SNIP1: variants seen among roughly 807,000 people sequenced by gnomAD.
SNIP1 encodes smad nuclear-interacting protein 1.
Under a neutral mutation model 37.4 loss-of-function variants are expected in SNIP1, and 23 were observed. The ratio of observed to expected loss-of-function variants is 0.61; its 90% CI spans 0.44 to 0.87. The LOEUF (loss-of-function observed/expected upper bound fraction) is 0.87. SNIP1 is among the 40% of genes least tolerant of loss of function. SNIP1 has a pLI of 0.00. For synonymous variants in SNIP1, 174 were observed against 200.0 expected, an observed-to-expected ratio of 0.87 and a Z score of 1.10; for missense variants, 459 against 540.4, an observed-to-expected ratio of 0.85 and a Z score of 1.49.
chr1:37,544,445 TCAAA>T (rs1643206599), intron 2 of SNIP1, among the ~76,000 whole-genome samples: 1 of 58,162 alleles, frequency 1.7e-5, no homozygotes. Flanking sequence ...AGACTCTGTC[TCAAA>T]AAAAAAAAAA....
At chr1:37,538,056 A>C in intron 3 of SNIP1, 44 bp from the exon 4 acceptor site, 1 of 1,541,822 alleles carries the variant, frequency 6.5e-7, no homozygotes, top group Non-Finnish European at 8.7e-7. Flanking sequence ...CTTCTGCCTC[A>C]GATCATCCAG....
chr1:37,550,083 AAC>A (rs1249699136), intron 2 of SNIP1, among the ~76,000 whole-genome samples: 1 of 152,168 alleles, frequency 6.6e-6, no homozygotes, highest in Non-Finnish European at 1.5e-5. Context: ...ACAAAACAAA[AAC>A]CCTGAAACCC....
rs1381724761 is a variant in SNIP1, at chr1:37,537,774, C to T, written c.1165G>A (p.Glu389Lys). The change falls in exon 4 of 4, where the codon GAG becomes AAG. Residue 389 changes from glutamate to lysine, a missense_variant. By Grantham distance (56) the Glu-to-Lys change is moderately conservative. Coordinates refer to ENST00000296215, the MANE Select transcript of SNIP1 (RefSeq NM_024700.4). ...IDRKDDEDEE[E>K]EEEVSDS ...TAGCTGTCAGACACTTCTTCCTCCT[C>T]CTCCTCATCCTCGTCATCTTTCCTG... The T allele has an allele frequency of 2.5e-6, 4 of 1,614,038 alleles. No individual in the cohort carries two copies. Among genetic ancestry groups the T allele is most frequent in the Admixed American group, 3.3e-5 (2 of 59,990 alleles).
rs1369875225 is a variant in SNIP1, at chr1:37,540,055, G to A, written c.926+102C>T. The A allele has an allele frequency of 8.8e-6, 8 of 912,982 alleles. No homozygotes were observed. Among genetic ancestry groups the A allele is most frequent in the South Asian group, 1.7e-5 (1 of 57,290 alleles). The allele number at this position is 912,982 out of a possible 1,614,324, so 56.6% of individuals were successfully genotyped here. On this transcript the variant is annotated intron_variant, in intron 3 of 3. Coordinates refer to ENST00000296215, the MANE Select transcript of SNIP1 (RefSeq NM_024700.4). This position sits in a 1 kb window ranked among gnomAD's most constrained non-coding sequence, Gnocchi z 5.6. ...CAATACTCTTTAGATAACATATGAGGGGTATGGGATTCTTCTGCATAAACA... is the reference window on the plus strand; with the variant it reads ...CAATACTCTTTAGATAACATATGAGAGGTATGGGATTCTTCTGCATAAACA...
rs954505023 is a variant in SNIP1 at position 37,534,850 on chromosome 1, G to A, written c.*2898C>T. 1 of 152,180 alleles carries A rather than the reference G, an allele frequency of 6.6e-6. No individual in the cohort carries two copies. Among genetic ancestry groups the A allele is most frequent in the African/African-American group, 2.4e-5 (1 of 41,508 alleles). The allele number at this position is 152,180 out of a possible 1,614,324, so 9.4% of individuals were successfully genotyped here. A position where few individuals can be genotyped will look rare whatever the true frequency, so the allele number is the denominator to read the frequency against. On this transcript the variant is annotated 3_prime_UTR_variant, in exon 4 of 4. Transcript: ENST00000296215. ...GCTGTTTTGAAAATAGTTTGATTTT[G>A]ACACAATGATTTGCAGACAAGCCCA...
At chr1:37,552,842 C>T (rs562510752) in intron 1 of SNIP1, 95 bp from the exon 2 acceptor site, 4 of 972,806 alleles carry the variant, frequency 4.1e-6, no homozygotes, top group South Asian at 3.9e-5. Flanking sequence ...ACACAAACAC[C>T]GCATTTGTGA....
chr1:37,537,037 C>G lies in SNIP1; in HGVS notation c.*711G>C, dbSNP rs1474011902. 6.6e-6 allele frequency: 1 copy of G among 152,256 alleles called. No individual in the cohort carries two copies. The highest frequency in any genetic ancestry group is 2.4e-5 in the African/African-American group (1 of 41,456). 9.4% of individuals were successfully genotyped at this position (152,256 alleles called of 1,614,324 possible). On this transcript the variant is annotated 3_prime_UTR_variant, in exon 4 of 4. Coordinates refer to ENST00000296215, the MANE Select transcript of SNIP1 (RefSeq NM_024700.4). ...AAATCAGGAATTCTTTCACAAAGAA[C>G]AGATCCACAGCCAATTTCAGTCACT...
At position 37,546,156 on chromosome 1, in the gene SNIP1, C is replaced by T. The variant is rs890737465; in HGVS notation, c.328-5401G>A. ...GCACTGGGACTAAGACCCCCCCCCCCCCCGCTCCCTGCCATACACAGGGCT... is the reference window on the plus strand; with the variant it reads ...GCACTGGGACTAAGACCCCCCCCCCTCCCGCTCCCTGCCATACACAGGGCT... On this transcript the variant is annotated intron_variant, in intron 2 of 3. Transcript: ENST00000296215. Among the ~76,000 whole-genome samples the T allele has an allele frequency of 6.2e-4, 93 of 150,644 alleles. 2 individuals carry two copies. Among genetic ancestry groups the T allele is most frequent in the African/African-American group, 1.7e-3 (71 of 40,692 alleles).
chr1:37,547,132 C>T (rs1015120748), intron 2 of SNIP1, among the ~76,000 whole-genome samples: 1 of 152,092 alleles, frequency 6.6e-6, no homozygotes, highest in African/African-American at 2.4e-5. Context: ...TTTATCTCTC[C>T]GTTATTTAGA....
chr1:37,540,030 C>G lies in SNIP1; in HGVS notation c.926+127G>C, dbSNP rs1028276133. On this transcript the variant is annotated intron_variant, in intron 3 of 3. Transcript: ENST00000296215. The surrounding 1 kb of genome is among the most constrained non-coding windows in gnomAD (Gnocchi z 5.6). ...ATTATTTAAAGGGCAGTTAGATTAA[C>G]AATACTCTTTAGATAACATATGAGG... 10 of 728,536 alleles carry G rather than the reference C, an allele frequency of 1.4e-5. No homozygotes were observed. In the African/African-American group the frequency reaches 1.4e-4, roughly 10 times the overall value. 45.1% of individuals were successfully genotyped at this position (728,536 alleles called of 1,614,324 possible). A position where few individuals can be genotyped will look rare whatever the true frequency, so the allele number is the denominator to read the frequency against.
At chr1:37,544,377 C>T (rs559130334) in intron 2 of SNIP1, among the ~76,000 whole-genome samples, 6 of 136,588 alleles carry the variant, frequency 4.4e-5, no homozygotes, top group South Asian at 2.4e-4. Flanking sequence ...ACTCGGAGGG[C>T]GGAGGTTGCA....
intron 2 of SNIP1, chr1:37,544,836 A>G (rs1359391705): frequency 6.4e-6 from 5 of 777,842 alleles, no homozygotes; most frequent in Admixed American, 1.7e-5. Context: ...GTGGAGCTCT[A>G]TGCCTCCTAC....
chr1:37,552,754 A>G lies in SNIP1; in HGVS notation c.225-7T>C. On this transcript the variant is annotated splice_region_variant and splice_polypyrimidine_tract_variant and intron_variant, in intron 1 of 3. Transcript: ENST00000296215. ...TTTCTTTTTGGGTGGGGACCTATTCAGAGCATGGTACACAGGATTTTATCG... is the reference window on the plus strand; with the variant it reads ...TTTCTTTTTGGGTGGGGACCTATTCGGAGCATGGTACACAGGATTTTATCG... The G allele has an allele frequency of 6.2e-7, 1 of 1,610,580 alleles. No homozygotes were observed. The highest frequency in any genetic ancestry group is 8.5e-7 in the Non-Finnish European group (1 of 1,176,794).
intron 2 of SNIP1, among the ~76,000 whole-genome samples, chr1:37,545,470 C>CAAA (rs74801000): frequency 6.9e-5 from 6 of 87,262 alleles, no homozygotes; most frequent in Admixed American, 2.5e-4. Context: ...CCGCCCCCAC[C>CAAA]AAAAAAAAAA....
At chr1:37,539,438 G>A (rs569000392) in intron 3 of SNIP1, among the ~76,000 whole-genome samples, 41 of 152,264 alleles carry the variant, frequency 2.7e-4, no homozygotes, top group Non-Finnish European at 3.5e-4. Context: ...CGGGCCAGCC[G>A]CAGTGGCTCA....
At chr1:37,552,130 C>T (rs914830892) in intron 2 of SNIP1, among the ~76,000 whole-genome samples, 7 of 152,140 alleles carry the variant, frequency 4.6e-5, no homozygotes, top group African/African-American at 1.7e-4. Context: ...CTAAAGGTTA[C>T]ATACTGTATG....
rs1369462201 is a variant in SNIP1 at position 37,536,411 on chromosome 1, C to T, written c.*1337G>A. On this transcript the variant is annotated 3_prime_UTR_variant, in exon 4 of 4. Coordinates refer to ENST00000296215, the MANE Select transcript of SNIP1 (RefSeq NM_024700.4). Reference sequence around the variant, plus strand: ...ACTTGGAGGCCAACGATATAACCTGCCCCACAACACTCTAAAACAGCTACC... The same window carrying T: ...ACTTGGAGGCCAACGATATAACCTGTCCCACAACACTCTAAAACAGCTACC... 2 of 152,182 alleles carry T rather than the reference C, an allele frequency of 1.3e-5. No individual in the cohort carries two copies. The highest frequency in any genetic ancestry group is 1.9e-4 in the East Asian group (1 of 5,186). 9.4% of individuals were successfully genotyped at this position (152,182 alleles called of 1,614,324 possible).
intron 2 of SNIP1, among the ~76,000 whole-genome samples, chr1:37,544,034 A>T (rs1032767769): frequency 2.0e-5 from 3 of 151,926 alleles, no homozygotes; most frequent in African/African-American, 7.3e-5. Flanking sequence ...TAATCCAGCT[A>T]CTCGGGAGGC....
At chr1:37,551,326 G>A (rs1167262243) in intron 2 of SNIP1, among the ~76,000 whole-genome samples, 7 of 150,092 alleles carry the variant, frequency 4.7e-5, no homozygotes, top group African/African-American at 1.7e-4. Flanking sequence ...ACCACTACAC[G>A]CCTATCAGAA....
Sources: gnomAD v4.1 joint callset for allele counts (sites outside exome capture counted in the v4.1 genomes callset) on GRCh38, gnomAD v4.1.1 for gene constraint, Gnocchi (gnomAD v3.1) non-coding constraint, MANE v1.5 for transcripts, NCBI Gene and HGNC (gene_info 2026-07-23, HGNC 2026-07-21) for gene names.